Variants in AKT2 observed in about 807,000 individuals in gnomAD.
AKT2 encodes AKT serine/threonine kinase 2, also known as RAC-beta serine/threonine-protein kinase.
AKT2 carries 16 observed loss-of-function variants against 58.6 expected under a neutral mutation model. The ratio of observed to expected loss-of-function variants is 0.27; its 90% CI spans 0.18 to 0.41. AKT2 has a LOEUF of 0.41. Ranked by LOEUF, AKT2 falls within the 10% of genes least tolerant of loss-of-function variation. The pLI is 1.00. For synonymous variants in AKT2, 253 were observed against 254.0 expected (o/e 1.00, Z 0.04); for missense variants, 438 against 661.0 (o/e 0.66, Z 3.70).
intron 4 of AKT2, among the ~76,000 whole-genome samples, chr19:40,252,721 G>A (rs1327145709): frequency 6.6e-6 from 1 of 152,142 alleles, no homozygotes; most frequent in African/African-American, 2.4e-5. Flanking sequence ...GTAGTCTCTG[G>A]AATGCATGAG....
intron 1 of AKT2, among the ~76,000 whole-genome samples, chr19:40,270,251 G>A (rs932595727): frequency 2.0e-5 from 3 of 152,166 alleles, no homozygotes; most frequent in Non-Finnish European, 2.9e-5. Context: ...GTTTGCTTAC[G>A]CTGACAGCCC....
chr19:40,244,541 A>G (rs1304438912), intron 4 of AKT2: 3 of 152,130 alleles, frequency 2.0e-5, no homozygotes, highest in African/African-American at 7.2e-5. Flanking sequence ...CACATCCCCC[A>G]TTTTTGACCA....
rs398123625 is a variant in AKT2 at position 40,241,988 on chromosome 19, C to T, written c.523G>A (p.Gly175Ser). The change falls in exon 6 of 14, where the codon GGC (glycine) becomes AGC (serine). Residue 175 changes from glycine (G) to serine (S), a missense_variant. This residue lies in a region of AKT2 where 244 missense variants were observed against 347.1 expected (regional missense o/e 0.70). Coordinates refer to ENST00000392038, the MANE Select transcript of AKT2 (RefSeq NM_001626.6). ...KVILVREKAT[G>S]RYYAMKILRK... is the part of the protein sequence containing the mutation. ...AGGATCTTCATGGCGTAGTAGCGGC[C>T]AGTGGCCTTCTCCCGCACCAGGATG... 1.2e-6 allele frequency: 2 copies of T among 1,614,218 alleles called. No individual in the cohort carries two copies. Among genetic ancestry groups the T allele is most frequent in the Admixed American group, 1.7e-5 (1 of 60,036 alleles).
chr19:40,256,833 C>T (rs1316389149), intron 3 of AKT2, 93 bp downstream of exon 3: 6 of 1,579,332 alleles, frequency 3.8e-6, no homozygotes, highest in Non-Finnish European at 5.2e-6. Flanking sequence ...CCAGGACAGG[C>T]CCATGGCTCA....
intron 4 of AKT2, among the ~76,000 whole-genome samples, chr19:40,253,239 TGGCC>T (rs1305727052): frequency 6.6e-6 from 1 of 152,142 alleles, no homozygotes; most frequent in Admixed American, 6.5e-5. Context: ...ATTTCCACAA[TGGCC>T]GGAAGTTTTC....
At chr19:40,263,837 G>T (rs1976142471) in intron 2 of AKT2, among the ~76,000 whole-genome samples, 1 of 152,126 alleles carries the variant, frequency 6.6e-6, no homozygotes, top group Admixed American at 6.5e-5. Flanking sequence ...ACCCCCTCAG[G>T]ACTCATTGGC....
intron 4 of AKT2, among the ~76,000 whole-genome samples, chr19:40,249,529 T>A (rs781351402): frequency 3.3e-5 from 5 of 152,056 alleles, no homozygotes. Flanking sequence ...GAAGCAGAGG[T>A]GGCAGGGCTG....
At position 40,235,802 on chromosome 19, in the gene AKT2, G is replaced by A; in HGVS notation, c.1175+88C>T. 6 of 1,357,884 alleles carry A rather than the reference G, an allele frequency of 4.4e-6. No homozygotes were observed. Among genetic ancestry groups the A allele is most frequent in the South Asian group, 1.4e-5 (1 of 74,018 alleles). 84.1% of individuals were successfully genotyped at this position (1,357,884 alleles called of 1,614,324 possible). On this transcript the variant is annotated intron_variant, in intron 11 of 13. Transcript: ENST00000392038. The surrounding 1 kb of genome is among the most constrained non-coding windows in gnomAD (Gnocchi z 6.3). ...CGACACACTGCGACCCTACAAGCGA[G>A]CACCCTTGTGGACGCTGCCCCCTCC...
intron 4 of AKT2, chr19:40,244,089 T>TAAA (rs1974590466): frequency 7.1e-6 from 1 of 141,662 alleles, no homozygotes; most frequent in South Asian, 2.2e-4. Context: ...ATAATAATAA[T>TAAA]AATAAAATAA....
In AKT2 at chr19:40,248,071, G is replaced by A. The variant is rs556852563; in HGVS notation, c.288-5384C>T. ...CCACCCAATGCGCTGCCTGCCTTCC[G>A]TACCAGCTGGGGACCTCACAGTGGG... On this transcript the variant is annotated intron_variant, in intron 4 of 13. Coordinates refer to ENST00000392038, the MANE Select transcript of AKT2 (RefSeq NM_001626.6). 7.2e-5 allele frequency among the ~76,000 whole-genome samples: 11 copies of A among 152,266 alleles called. No homozygotes were observed. In the East Asian group the frequency reaches 9.7e-4, roughly 13 times the overall value.
At chr19:40,255,129 A>C (rs1975446406) in intron 4 of AKT2, 29 bp downstream of exon 4, 1 of 1,560,874 alleles carries the variant, frequency 6.4e-7, no homozygotes, top group Non-Finnish European at 8.8e-7. Context: ...CTCCCTCTCA[A>C]GGGCAGCCAC....
chr19:40,283,361 C>T (rs1051992686), intron 1 of AKT2, among the ~76,000 whole-genome samples: 1 of 152,232 alleles, frequency 6.6e-6, no homozygotes, highest in Non-Finnish European at 1.5e-5. Context: ...CAGGCAAACC[C>T]TCTAAAAGCT....
Position 40,240,370 on chromosome 19 carries a change from C to G in AKT2, c.574-260G>C. 3 of 677,258 alleles carry G rather than the reference C, an allele frequency of 4.4e-6. No individual in the cohort carries two copies. The Admixed American group carries it at 6.2e-5, about 14-fold the overall frequency. 42.0% of individuals were successfully genotyped at this position (677,258 alleles called of 1,614,324 possible). A position where few individuals can be genotyped will look rare whatever the true frequency, so the allele number is the denominator to read the frequency against. On this transcript the variant is annotated intron_variant, in intron 6 of 13. Transcript: ENST00000392038. Reference sequence around the variant, plus strand: ...AAGGACCAGGCTGCTAGGGACAAGACACCTGTGACGTCCCTGCAAGGGAGA... The same window carrying G: ...AAGGACCAGGCTGCTAGGGACAAGAGACCTGTGACGTCCCTGCAAGGGAGA...
At chr19:40,266,078 C>T (rs539210369) in intron 1 of AKT2, 1 of 152,660 alleles carries the variant, frequency 6.6e-6, no homozygotes, top group Non-Finnish European at 1.5e-5. Context: ...ATCCCTACCC[C>T]AAGACCTTCA....
intron 4 of AKT2, among the ~76,000 whole-genome samples, chr19:40,247,570 A>G (rs566931365): frequency 6.6e-6 from 1 of 152,302 alleles, no homozygotes; most frequent in South Asian, 2.1e-4. Context: ...GGGAAGGCTC[A>G]TGGGACACCC....
intron 4 of AKT2, among the ~76,000 whole-genome samples, chr19:40,244,884 C>T (rs1233442977): frequency 6.6e-6 from 1 of 152,228 alleles, no homozygotes; most frequent in Non-Finnish European, 1.5e-5. Flanking sequence ...CCCTGCTGGG[C>T]TGTATTCCTC....
chr19:40,235,134 A>T lies in AKT2; in HGVS notation c.1277T>A (p.Phe426Tyr). 6.2e-7 allele frequency: 1 copy of T among 1,614,044 alleles called. No homozygotes were observed. Among genetic ancestry groups the T allele is most frequent in the Non-Finnish European group, 8.5e-7 (1 of 1,179,976 alleles). ...DVVQKKLLPP[F>Y]KPQVTSEVDT... ...GACCTCGGACGTGACCTGAGGTTTG[A>T]AGGGTGGCAGGAGCTACGGAGGAGA... Residue 426 changes from phenylalanine (F) to tyrosine (Y), a missense_variant, in exon 13 of 14, where the codon TTC becomes TAC. Transcript: ENST00000392038. The surrounding 1 kb of genome is among the most constrained non-coding windows in gnomAD (Gnocchi z 6.3).
intron 4 of AKT2, among the ~76,000 whole-genome samples, chr19:40,252,644 G>A (rs568881387): frequency 2.0e-5 from 3 of 152,172 alleles, no homozygotes; most frequent in African/African-American, 4.8e-5. Context: ...CTCCAGCTTC[G>A]AGCGCCTCCA....
At chr19:40,240,197 A>AGCGACTTCATCCTGCAGACAGAC in intron 6 of AKT2, 87 bp from the exon 7 acceptor site, 1 of 1,309,310 alleles carries the variant, frequency 7.6e-7, no homozygotes, top group Non-Finnish European at 1.1e-6. Flanking sequence ...GCCTTGTGAA[A>AGCGACTTCATCCTGCAGACAGAC]TGCAATTCCA....
Sources: allele counts gnomAD v4.1 joint callset (sites outside exome capture counted in the v4.1 genomes callset), GRCh38; gene constraint gnomAD v4.1.1; regional missense constraint gnomAD v4.1.1; non-coding constraint Gnocchi (gnomAD v3.1); transcripts MANE v1.5; gene names NCBI Gene and HGNC (gene_info 2026-07-23, HGNC 2026-07-21).